The following PTK2 variants were observed in gnomAD, a reference collection of about 807,000 sequenced individuals.
The protein encoded by PTK2 is protein tyrosine kinase 2.
PTK2 carries 45 observed loss-of-function variants against 150.1 expected under a neutral mutation model. The ratio of observed to expected loss-of-function variants is 0.30; its 90% CI spans 0.24 to 0.38. The LOEUF (loss-of-function observed/expected upper bound fraction) is 0.38. Ranked by LOEUF, PTK2 falls within the 10% of genes least tolerant of loss-of-function variation. The pLI is 1.00. For synonymous variants in PTK2, 432 were observed against 449.2 expected, an observed-to-expected ratio of 0.96 and a Z score of 0.48; for missense variants, 919 against 1,307.3, an observed-to-expected ratio of 0.70 and a Z score of 4.58.
intron 1 of PTK2, among the ~76,000 whole-genome samples, chr8:140,983,006 TTCTA>T (rs750163720): frequency 3.3e-5 from 5 of 152,190 alleles, no homozygotes; most frequent in Non-Finnish European, 5.9e-5. Context: ...CTTGAAAGAA[TTCTA>T]TCTTTCAAAA....
chr8:140,980,221 T>C (rs1456815767), intron 1 of PTK2, among the ~76,000 whole-genome samples: 2 of 152,020 alleles, frequency 1.3e-5, no homozygotes, highest in Non-Finnish European at 2.9e-5. Flanking sequence ...ACAGTGAAAA[T>C]GAATGAAAAC....
chr8:140,892,894 T>TG (rs2100154705), intron 2 of PTK2, among the ~76,000 whole-genome samples: 1 of 152,214 alleles, frequency 6.6e-6, no homozygotes, highest in Admixed American at 6.5e-5. Context: ...CCTACATTGC[T>TG]GGAAGAGTAT....
intron 12 of PTK2, among the ~76,000 whole-genome samples, chr8:140,798,796 T>C (rs571349724): frequency 5.3e-4 from 81 of 152,328 alleles, no homozygotes; most frequent in African/African-American, 1.9e-3. Context: ...TCTGAAAACA[T>C]TTAAATAATA....
chr8:140,954,417 T>C (rs902984976), intron 1 of PTK2, among the ~76,000 whole-genome samples: 3 of 152,218 alleles, frequency 2.0e-5, no homozygotes, highest in Non-Finnish European at 4.4e-5. Context: ...TATGCAAATG[T>C]GAAATAGGGA....
rs988014381 is a variant in PTK2 at position 140,914,733 on chromosome 8, C to T, written c.-33+10928G>A. ...GAAGACAAGATTTAATTCATTTATC[C>T]GTTTAAAGTAAGAGTCTACCAGCCA... is the stretch of plus-strand genomic sequence containing the variant. On this transcript the variant is annotated intron_variant, in intron 2 of 31. Transcript: ENST00000522684. Among the ~76,000 whole-genome samples the T allele has an allele frequency of 4.6e-5, 7 of 152,076 alleles. No individual in the cohort carries two copies. The South Asian group carries it at 1.0e-3, about 23-fold the overall frequency.
At chr8:140,888,584 A>C (rs1600791010) in intron 3 of PTK2, among the ~76,000 whole-genome samples, 1 of 152,158 alleles carries the variant, frequency 6.6e-6, no homozygotes, top group East Asian at 1.9e-4. Flanking sequence ...TCTGATGTAA[A>C]TTTTTCTTCA....
At chr8:140,744,946 G>A (rs1318341720) in intron 18 of PTK2, 179 bp from the exon 22 acceptor site, 2 of 400,526 alleles carry the variant, frequency 5.0e-6, no homozygotes, top group Non-Finnish European at 8.9e-6. Context: ...TTAAACTCTG[G>A]ATTCAGATTA....
At position 140,959,630 on chromosome 8, in the gene PTK2, G is replaced by A. The variant is rs190579635; in HGVS notation, c.-121-33881C>T. On this transcript the variant is annotated intron_variant, in intron 1 of 31. Transcript: ENST00000522684. ...ATATAATCTATATACTTATATCTAC[G>A]TTTTTGATTTTCAAAAAGATATATG... Among the ~76,000 whole-genome samples, 20 of 151,178 alleles carry A rather than the reference G, an allele frequency of 1.3e-4. No individual in the cohort carries two copies. The East Asian group carries it at 2.5e-3, about 19-fold the overall frequency.
intron 23 of PTK2, among the ~76,000 whole-genome samples, chr8:140,716,008 G>A (rs2100039497): frequency 6.6e-6 from 1 of 152,144 alleles, no homozygotes; most frequent in African/African-American, 2.4e-5. Context: ...GCATTCTTTG[G>A]TGCTCATTAC....
chr8:140,885,632 A>ATTG (rs1188186934), intron 3 of PTK2, among the ~76,000 whole-genome samples: 2 of 152,186 alleles, frequency 1.3e-5, no homozygotes, highest in Non-Finnish European at 2.9e-5. Flanking sequence ...GAGAACAAGC[A>ATTG]AGGAGCCACA....
chr8:140,912,188 A>G (rs1174808808), intron 2 of PTK2, among the ~76,000 whole-genome samples: 2 of 151,274 alleles, frequency 1.3e-5, no homozygotes, highest in Admixed American at 6.6e-5. Context: ...GGATACAGTG[A>G]GCTATGATTA....
Position 140,696,055 on chromosome 8 carries a change from G to A in PTK2, c.2499+4836C>T, listed in dbSNP as rs1300313343. Among the ~76,000 whole-genome samples the A allele has an allele frequency of 2.6e-5, 4 of 152,124 alleles. No individual in the cohort carries two copies. The East Asian group carries it at 7.7e-4, about 29-fold the overall frequency. ...TGTCCGGGACTCCTCCTTCCTCTGG[G>A]CCTCTAACGTTTAGATGCTTAACAC... On this transcript the variant is annotated intron_variant, in intron 26 of 31. Transcript: ENST00000522684.
At chr8:140,722,890 G>A (rs377701031) in intron 22 of PTK2, among the ~76,000 whole-genome samples, 4 of 152,120 alleles carry the variant, frequency 2.6e-5, no homozygotes, top group East Asian at 1.9e-4. Context: ...AGGCTAAGTG[G>A]GACATATTCT....
chr8:140,896,518 A>G (rs994211184), intron 2 of PTK2, among the ~76,000 whole-genome samples: 1 of 152,228 alleles, frequency 6.6e-6, no homozygotes, highest in Non-Finnish European at 1.5e-5. Context: ...TTCAGAAAGA[A>G]GAGCCAGCTA....
At chr8:140,756,506 T>C (rs912724534) in intron 16 of PTK2, among the ~76,000 whole-genome samples, 20 of 150,946 alleles carry the variant, frequency 1.3e-4, no homozygotes, top group Admixed American at 1.2e-3. Flanking sequence ...AAGACCAGCC[T>C]GAACAACGTG....
chr8:140,828,182 A>AG (rs1376413417), intron 8 of PTK2, among the ~76,000 whole-genome samples: 3 of 152,070 alleles, frequency 2.0e-5, no homozygotes, highest in African/African-American at 7.2e-5. Flanking sequence ...AAAAAAAAAA[A>AG]AGAGAAAGTA....
At chr8:140,836,712 G>A (rs1459601432) in intron 7 of PTK2, among the ~76,000 whole-genome samples, 1 of 152,042 alleles carries the variant, frequency 6.6e-6, no homozygotes, top group Non-Finnish European at 1.5e-5. Flanking sequence ...AATACCTATG[G>A]AATATCTTAC....
intron 5 of PTK2, among the ~76,000 whole-genome samples, chr8:140,863,566 A>C (rs1054396526): frequency 6.6e-6 from 1 of 151,998 alleles, no homozygotes. Context: ...AGAAAACACA[A>C]CTCTTCCTTT....
intron 26 of PTK2, among the ~76,000 whole-genome samples, chr8:140,689,134 A>G (rs1025771761): frequency 3.9e-5 from 6 of 152,238 alleles, no homozygotes; most frequent in Admixed American, 2.6e-4. Flanking sequence ...CATTGATTCC[A>G]ACTGGCAACT....
Sources: allele counts gnomAD v4.1 joint callset (sites outside exome capture counted in the v4.1 genomes callset), GRCh38; gene constraint gnomAD v4.1.1; transcripts MANE v1.5; gene names NCBI Gene and HGNC (gene_info 2026-07-23, HGNC 2026-07-21).